Variants in RPS6KA2 observed in about 807,000 individuals in gnomAD.
RPS6KA2 encodes ribosomal protein S6 kinase A2.
RPS6KA2 carries 42 observed loss-of-function variants against 91.8 expected under a neutral mutation model. The ratio of observed to expected loss-of-function variants is 0.46; its 90% CI spans 0.36 to 0.59. RPS6KA2 has a LOEUF of 0.59. RPS6KA2 is among the 20% of genes least tolerant of loss of function. The pLI is 0.00. For missense variants in RPS6KA2, 798 were observed against 978.5 expected (o/e 0.82, Z 2.46); for synonymous variants, 414 against 393.6 (o/e 1.05, Z -0.61).
intron 20 of RPS6KA2, among the ~76,000 whole-genome samples, chr6:166,413,376 C>G (rs1778384832): frequency 6.6e-6 from 1 of 152,204 alleles, no homozygotes; most frequent in South Asian, 2.1e-4. Flanking sequence ...GAGGGGGCGG[C>G]TCTTAACTGG....
At position 166,495,893 on chromosome 6, in the gene RPS6KA2, C is replaced by T. The variant is rs1417634177; in HGVS notation, c.747+2615G>A. On this transcript the variant is annotated intron_variant, in intron 8 of 20. Transcript: ENST00000265678. This position sits in a 1 kb window ranked among gnomAD's most constrained non-coding sequence, Gnocchi z 4.4. Reference sequence around the variant, plus strand: ...CTTAGGGCTGATGGTGGAAGGGGACCGGGGGGAGTTTGCTGGAGCAAGGCG... The same window carrying T: ...CTTAGGGCTGATGGTGGAAGGGGACTGGGGGGAGTTTGCTGGAGCAAGGCG... Among the ~76,000 whole-genome samples the T allele has an allele frequency of 2.0e-5, 3 of 152,140 alleles. No homozygotes were observed. The highest frequency in any genetic ancestry group is 4.4e-5 in the Non-Finnish European group (3 of 68,022).
chr6:166,471,574 G>A (rs774319004), intron 10 of RPS6KA2, among the ~76,000 whole-genome samples: 12 of 152,218 alleles, frequency 7.9e-5, no homozygotes, highest in Non-Finnish European at 1.6e-4. Flanking sequence ...TTAGAGGAAG[G>A]GCACACATTC....
chr6:166,746,837 C>A (rs1408498010), intron 2 of RPS6KA2, among the ~76,000 whole-genome samples: 1 of 152,228 alleles, frequency 6.6e-6, no homozygotes, highest in Non-Finnish European at 1.5e-5. Flanking sequence ...CCCTCCTTGT[C>A]TTCAACTAAT....
At chr6:166,656,937 T>G (rs7744910) in intron 2 of RPS6KA2, among the ~76,000 whole-genome samples, 50,241 of 151,976 alleles carry the variant, frequency 0.33, 8,667 homozygotes, top group African/African-American at 0.43. Flanking sequence ...CTCAGAGAAA[T>G]GACGCAGGAT....
intron 1 of RPS6KA2, among the ~76,000 whole-genome samples, chr6:166,589,593 C>A (rs185629949): frequency 6.6e-6 from 1 of 152,276 alleles, no homozygotes; most frequent in African/African-American, 2.4e-5. Context: ...ATTTTACCCT[C>A]ATTAAGTCGC....
chr6:166,499,230 G>A (rs1245482657), intron 7 of RPS6KA2, among the ~76,000 whole-genome samples: 1 of 152,226 alleles, frequency 6.6e-6, no homozygotes, highest in Non-Finnish European at 1.5e-5. Context: ...TGAAGGAAGT[G>A]GCCCCGGGGC....
intron 12 of RPS6KA2, 99 bp from the exon 13 acceptor site, chr6:166,451,332 CGTGTGTGTGTGT>C (rs10663984): frequency 4.3e-6 from 4 of 921,544 alleles, no homozygotes; most frequent in South Asian, 1.6e-5. Context: ...TGTGCAAGTC[CGTGTGTGTGTGT>C]GTGTGTGTGT....
At chr6:166,414,039 A>G in intron 19 of RPS6KA2, 108 bp from the exon 20 acceptor site, 2 of 981,194 alleles carry the variant, frequency 2.0e-6, no homozygotes, top group East Asian at 2.5e-5. Context: ...CCCAACCACT[A>G]TGCTGAGTGT....
At position 166,627,095 on chromosome 6, in the gene RPS6KA2, T is replaced by A; in HGVS notation, c.-76A>T. On this transcript the variant is annotated 5_prime_UTR_variant, in exon 1 of 21. Coordinates refer to ENST00000265678, the MANE Select transcript of RPS6KA2 (RefSeq NM_021135.6). The stretch of plus-strand genomic sequence containing the variant: ...CGGCATCCCAGGCGCGGGGCTCAGG[T>A]CCGCGGGCGGGCACGCGTGGCCAGG... The A allele has an allele frequency of 8.2e-7, 1 of 1,218,628 alleles. No homozygotes were observed. Among genetic ancestry groups the A allele is most frequent in the Non-Finnish European group, 1.0e-6 (1 of 973,300 alleles). The allele number at this position is 1,218,628 out of a possible 1,614,324, so 75.5% of individuals were successfully genotyped here.
At position 166,841,585 on chromosome 6, in the gene RPS6KA2, A is replaced by G. The variant is rs565259277; in HGVS notation, c.123+16615T>C. ...AAAAACTCAGCAGGTCTGAGATGGC[A>G]GCTCTGATCTAGACACAGCAGGTGC... On this transcript the variant is annotated intron_variant, in intron 2 of 21. Coordinates refer to the RPS6KA2 transcript ENST00000503859. Among the ~76,000 whole-genome samples the G allele has an allele frequency of 2.0e-4, 30 of 152,404 alleles. 1 individual carries two copies. The South Asian group carries it at 6.0e-3, about 30-fold the overall frequency.
At chr6:166,539,298 A>G (rs1176670541) in intron 1 of RPS6KA2, among the ~76,000 whole-genome samples, 1 of 152,160 alleles carries the variant, frequency 6.6e-6, no homozygotes, top group African/African-American at 2.4e-5. Flanking sequence ...TCTTTTCTCC[A>G]TGGACTTTTG....
chr6:166,808,726 T>C (rs1254152857), intron 2 of RPS6KA2, among the ~76,000 whole-genome samples: 1 of 152,366 alleles, frequency 6.6e-6, no homozygotes, highest in East Asian at 1.9e-4. Context: ...AAACATAGAC[T>C]GTGTTCTTGG....
intron 10 of RPS6KA2, 87 bp from the exon 11 acceptor site, chr6:166,469,992 A>T: frequency 1.6e-6 from 2 of 1,239,488 alleles, no homozygotes; most frequent in Non-Finnish European, 2.4e-6. Flanking sequence ...GAGGGTGGGG[A>T]TGTGCAGAGG....
chr6:166,657,089 G>C (rs1156995913), intron 2 of RPS6KA2, among the ~76,000 whole-genome samples: 1 of 152,104 alleles, frequency 6.6e-6, no homozygotes, highest in East Asian at 1.9e-4. Context: ...GAGACGGTGG[G>C]GAGCAGGGCT....
At chr6:166,681,699 C>CCCCCCCCA (rs1562380174) in intron 2 of RPS6KA2, among the ~76,000 whole-genome samples, 7 of 62,644 alleles carry the variant, frequency 1.1e-4, no homozygotes, top group African/African-American at 4.5e-4. Flanking sequence ...CGCCCCCCCC[C>CCCCCCCCA]CCGCCCCCGC....
At chr6:166,757,366 C>T (rs1778043868) in intron 2 of RPS6KA2, among the ~76,000 whole-genome samples, 1 of 152,170 alleles carries the variant, frequency 6.6e-6, no homozygotes, top group African/African-American at 2.4e-5. Context: ...CTGCTCTTGG[C>T]ACCGCTCCGA....
intron 2 of RPS6KA2, among the ~76,000 whole-genome samples, chr6:166,775,890 A>T (rs569123995): frequency 1.9e-4 from 29 of 152,220 alleles, no homozygotes; most frequent in Middle Eastern, 3.2e-3. Context: ...CACAACACAA[A>T]GGATAATGTC....
rs1360588476 is a variant in RPS6KA2, at chr6:166,557,978, G to A, written c.100-19194C>T. Among the ~76,000 whole-genome samples, 1 of 150,622 alleles carries A rather than the reference G, an allele frequency of 6.6e-6. No homozygotes were observed. The highest frequency in any genetic ancestry group is 6.6e-5 in the Admixed American group (1 of 15,188). On this transcript the variant is annotated intron_variant, in intron 1 of 20. Transcript: ENST00000265678. This position sits in a 1 kb window ranked among gnomAD's most constrained non-coding sequence, Gnocchi z 4.8. The stretch of plus-strand genomic sequence containing the variant: ...GATGTATATGTATATACAGAGGGGT[G>A]TGTGTGTGTGTGTATATATGTATGT...
In RPS6KA2 at chr6:166,733,399, A is replaced by G. The variant is rs1056292259; in HGVS notation, c.123+124801T>C. On this transcript the variant is annotated intron_variant, in intron 2 of 21. Transcript: ENST00000503859. The surrounding 1 kb of genome is among the most constrained non-coding windows in gnomAD (Gnocchi z 4.1). ...TGAATTAATTGGAATGTTCTTTTGC[A>G]TTGTCGTCCAGGAAATTTAGAGGCC... Among the ~76,000 whole-genome samples the G allele has an allele frequency of 1.3e-5, 2 of 152,156 alleles. No individual in the cohort carries two copies. The highest frequency in any genetic ancestry group is 2.4e-5 in the African/African-American group (1 of 41,428).
Sources: gnomAD v4.1 joint callset for allele counts (sites outside exome capture counted in the v4.1 genomes callset) on GRCh38, gnomAD v4.1.1 for gene constraint, Gnocchi (gnomAD v3.1) non-coding constraint, MANE v1.5 for transcripts, NCBI Gene and HGNC (gene_info 2026-07-23, HGNC 2026-07-21) for gene names.